Variants in CSMD1 observed in about 807,000 individuals in gnomAD.
CSMD1 encodes CUB and Sushi multiple domains 1, also known as CUB and sushi domain-containing protein 1.
In CSMD1, 213 loss-of-function variants were observed where a neutral mutation model predicts 417.5. That is an observed-to-expected ratio of 0.51 (90% CI 0.46 to 0.57). The LOEUF is 0.57. Among genes scored for constraint, CSMD1 ranks in the 20% least tolerant of loss-of-function variants. The probability of loss-of-function intolerance (pLI) is 0.00; values close to 1 mark genes in which losing one functional copy is unlikely to be tolerated. For missense variants in CSMD1, 6,923 were observed against 4,529.7 expected (o/e 1.53, Z -15.17); for synonymous variants, 2,862 against 1,736.8 (o/e 1.65, Z -16.11).
intron 5 of CSMD1, among the ~76,000 whole-genome samples, chr8:3,906,828 C>G (rs1440022423): frequency 3.9e-5 from 6 of 152,088 alleles, no homozygotes; most frequent in East Asian, 3.9e-4. Context: ...AGGCATATAT[C>G]AAGAAGGACA....
intron 2 of CSMD1, among the ~76,000 whole-genome samples, chr8:4,502,902 C>G (rs1375957554): frequency 6.6e-6 from 1 of 152,028 alleles, no homozygotes; most frequent in Non-Finnish European, 1.5e-5. Flanking sequence ...TCAACCAATT[C>G]CTTCTGGTGT....
chr8:3,127,614 T>A (rs1360041149), intron 41 of CSMD1: 4 of 152,132 alleles, frequency 2.6e-5, no homozygotes, highest in African/African-American at 4.8e-5. Flanking sequence ...AATAAACAGA[T>A]TTAACACATT....
At chr8:4,557,430 T>G (rs1798144604) in intron 2 of CSMD1, among the ~76,000 whole-genome samples, 1 of 114,842 alleles carries the variant, frequency 8.7e-6, no homozygotes, top group Middle Eastern at 4.7e-3. Flanking sequence ...ATCTGCGAGG[T>G]TTTTTTTTTT....
chr8:2,974,063 G>GTGGTAGAGGATGA (rs71199521), intron 56 of CSMD1, among the ~76,000 whole-genome samples: 43,973 of 82,808 alleles, frequency 0.53, 14,345 homozygotes, highest in Non-Finnish European at 0.64. Context: ...GTAGAGGATG[G>GTGGTAGAGGATGA]TGGTAGAGGA....
At chr8:3,908,047 C>G (rs144302661) in intron 5 of CSMD1, among the ~76,000 whole-genome samples, 1 of 152,058 alleles carries the variant, frequency 6.6e-6, no homozygotes, top group African/African-American at 2.4e-5. Context: ...TATTTGACCC[C>G]AAAGTCTGAC....
chr8:3,829,486 TTGAG>T (rs1395291441), intron 5 of CSMD1, among the ~76,000 whole-genome samples: 1 of 152,166 alleles, frequency 6.6e-6, no homozygotes, highest in African/African-American at 2.4e-5. Context: ...CCTGCTGTTC[TTGAG>T]TATTTTTCCT....
At chr8:3,432,982 G>T (rs1005121394) in intron 12 of CSMD1, among the ~76,000 whole-genome samples, 1 of 152,116 alleles carries the variant, frequency 6.6e-6, no homozygotes, top group Non-Finnish European at 1.5e-5. Flanking sequence ...TCTTCCAGTA[G>T]CAGATGGCAT....
At chr8:4,027,097 A>T (rs1797102274) in intron 4 of CSMD1, among the ~76,000 whole-genome samples, 2 of 152,208 alleles carry the variant, frequency 1.3e-5, no homozygotes, top group African/African-American at 4.8e-5. Flanking sequence ...CCACAGAAAA[A>T]CACAGCTTTG....
At chr8:3,224,202 G>A (rs1236445426) in intron 27 of CSMD1, among the ~76,000 whole-genome samples, 1 of 152,126 alleles carries the variant, frequency 6.6e-6, no homozygotes, top group South Asian at 2.1e-4. Flanking sequence ...CTGCCAACGT[G>A]CACACATGTG....
At chr8:4,093,886 G>C (rs938551071) in intron 3 of CSMD1, among the ~76,000 whole-genome samples, 1 of 152,104 alleles carries the variant, frequency 6.6e-6, no homozygotes. Flanking sequence ...CTTGAACGCA[G>C]GAGGCAGAGG....
Position 3,974,756 on chromosome 8 carries a change from G to T in CSMD1, c.818+23147C>A, listed in dbSNP as rs577859508. On this transcript the variant is annotated intron_variant, in intron 5 of 69. Coordinates refer to ENST00000635120, the MANE Select transcript of CSMD1 (RefSeq NM_033225.6). ...CAAAACTAAATTTTGGTATACTTAC[G>T]GAATTCTTTACAGTTATTGGTAATT... Among the ~76,000 whole-genome samples, 6 of 151,696 alleles carry T rather than the reference G, an allele frequency of 4.0e-5. 1 individual carries two copies. Among genetic ancestry groups the T allele is most frequent in the African/African-American group, 1.2e-4 (5 of 41,390 alleles).
chr8:3,912,068 G>T (rs2688329), intron 5 of CSMD1, among the ~76,000 whole-genome samples: 9,322 of 152,104 alleles, frequency 0.061, 893 homozygotes, highest in African/African-American at 0.21. Context: ...ATATTTGACT[G>T]AGTCTTTTCA....
chr8:4,034,921 TCA>T (rs2130596444), intron 3 of CSMD1, among the ~76,000 whole-genome samples: 1 of 152,280 alleles, frequency 6.6e-6, no homozygotes, highest in Admixed American at 6.5e-5. Context: ...CCAGTCATTG[TCA>T]CACACGGAAA....
At chr8:3,819,477 G>A (rs1432985337) in intron 5 of CSMD1, among the ~76,000 whole-genome samples, 1 of 151,844 alleles carries the variant, frequency 6.6e-6, no homozygotes, top group East Asian at 1.9e-4. Flanking sequence ...AATCGTCGGT[G>A]GCACTGCTCT....
chr8:3,694,875 C>A (rs773800875), intron 7 of CSMD1, among the ~76,000 whole-genome samples: 66 of 152,064 alleles, frequency 4.3e-4, no homozygotes, highest in Non-Finnish European at 8.8e-4. Context: ...ACCATAGAAA[C>A]CTGCTGGATT....
At chr8:3,637,907 C>G (rs1390940277) in intron 7 of CSMD1, among the ~76,000 whole-genome samples, 1 of 152,226 alleles carries the variant, frequency 6.6e-6, no homozygotes, top group Non-Finnish European at 1.5e-5. Context: ...CCCCTGCCCA[C>G]ACTCTCTTGA....
chr8:3,981,774 G>A (rs1357803838), intron 5 of CSMD1, among the ~76,000 whole-genome samples: 2 of 152,158 alleles, frequency 1.3e-5, no homozygotes, highest in Non-Finnish European at 1.5e-5. Flanking sequence ...CAGGCTGTGC[G>A]CTTCACAAAG....
At chr8:3,843,417 G>A (rs533148318) in intron 5 of CSMD1, among the ~76,000 whole-genome samples, 1 of 152,148 alleles carries the variant, frequency 6.6e-6, no homozygotes, top group African/African-American at 2.4e-5. Context: ...TAAAGTCAAA[G>A]TTGGTTTCAG....
chr8:3,733,557 T>C (rs1278469312), intron 6 of CSMD1, among the ~76,000 whole-genome samples: 2 of 152,054 alleles, frequency 1.3e-5, no homozygotes, highest in African/African-American at 4.8e-5. Context: ...TCTTAAGTTG[T>C]AAGTTGCGGG....
Sources: gnomAD v4.1 joint callset for allele counts (sites outside exome capture counted in the v4.1 genomes callset) on GRCh38, gnomAD v4.1.1 for gene constraint, MANE v1.5 for transcripts, NCBI Gene and HGNC (gene_info 2026-07-23, HGNC 2026-07-21) for gene names.